PPP3CA: variants seen among roughly 807,000 people sequenced by gnomAD.
PPP3CA encodes the protein protein phosphatase 3 catalytic subunit alpha.
PPP3CA carries 14 observed loss-of-function variants against 66.5 expected under a neutral mutation model. That is an observed-to-expected ratio of 0.21 (90% CI 0.14 to 0.33). The LOEUF is 0.33. PPP3CA is among the 10% of genes least tolerant of loss of function. The pLI is 1.00. For missense variants in PPP3CA, 317 were observed against 639.5 expected (o/e 0.50, Z 5.44); for synonymous variants, 232 against 226.2 (o/e 1.03, Z -0.23).
intron 1 of PPP3CA, among the ~76,000 whole-genome samples, chr4:101,261,910 T>G (rs1727021487): frequency 6.6e-6 from 1 of 152,064 alleles, no homozygotes; most frequent in African/African-American, 2.4e-5. Context: ...ATGATTATTC[T>G]TCCCAGAATT....
At chr4:101,035,789 CTA>C (rs1051386240) in intron 11 of PPP3CA, among the ~76,000 whole-genome samples, 66 of 152,324 alleles carry the variant, frequency 4.3e-4, no homozygotes, top group African/African-American at 1.6e-3. Flanking sequence ...TCAATTCCAA[CTA>C]TCTCTGCTGA....
chr4:101,317,286 A>ACACACACACACACACACACACT, intron 1 of PPP3CA, among the ~76,000 whole-genome samples: 1 of 150,682 alleles, frequency 6.6e-6, no homozygotes, highest in Admixed American at 6.6e-5. Context: ...ACACACACAC[A>ACACACACACACACACACACACT]CTCACACACA....
At position 101,273,379 on chromosome 4, in the gene PPP3CA, C is replaced by T. The variant is rs370040657; in HGVS notation, c.58+73360G>A. On this transcript the variant is annotated intron_variant, in intron 1 of 13. Transcript: ENST00000394854. ...TGCAGCCTGAGTGACAGAGTGATCG[C>T]GCAGTGGCGCAGGCTCTACTCACTG... Among the ~76,000 whole-genome samples the T allele has an allele frequency of 3.4e-4, 51 of 152,094 alleles. No homozygotes were observed. In the East Asian group the frequency reaches 6.8e-3, roughly 20 times the overall value.
intron 2 of PPP3CA, among the ~76,000 whole-genome samples, chr4:101,125,590 T>C (rs1190037026): frequency 6.6e-6 from 1 of 152,238 alleles, no homozygotes; most frequent in Non-Finnish European, 1.5e-5. Context: ...AGAAAAGGGA[T>C]TGGGAAAAAT....
intron 2 of PPP3CA, among the ~76,000 whole-genome samples, chr4:101,170,520 A>G (rs1181793327): frequency 6.6e-6 from 1 of 152,046 alleles, no homozygotes; most frequent in Non-Finnish European, 1.5e-5. Flanking sequence ...ACTGGAAAGG[A>G]GTTAAGGGCT....
intron 1 of PPP3CA, among the ~76,000 whole-genome samples, chr4:101,207,819 C>T (rs1324384469): frequency 2.1e-5 from 3 of 145,088 alleles, no homozygotes; most frequent in Non-Finnish European, 4.4e-5. Context: ...AGCGAGACTC[C>T]GTCTAAACAA....
intron 11 of PPP3CA, among the ~76,000 whole-genome samples, chr4:101,035,620 T>C (rs1235432115): frequency 6.6e-6 from 1 of 152,200 alleles, no homozygotes; most frequent in Non-Finnish European, 1.5e-5. Context: ...GATACACTGT[T>C]ACAAAAGCCC....
rs574061030 is a variant in PPP3CA at position 101,050,211 on chromosome 4, G to A, written c.1157-9645C>T. 3.9e-5 allele frequency among the ~76,000 whole-genome samples: 6 copies of A among 152,162 alleles called. No individual in the cohort carries two copies. In the South Asian group the frequency reaches 1.0e-3, roughly 26 times the overall value. On this transcript the variant is annotated intron_variant, in intron 10 of 13. Coordinates refer to ENST00000394854, the MANE Select transcript of PPP3CA (RefSeq NM_000944.5). Reference sequence around the variant, plus strand: ...GAAAATGTGTTGGTTTGCAACAGACGCATAGTAAAGTAGAGCAGCTGAGGC... The same window carrying A: ...GAAAATGTGTTGGTTTGCAACAGACACATAGTAAAGTAGAGCAGCTGAGGC...
chr4:101,235,299 T>C (rs1311683157), intron 1 of PPP3CA, among the ~76,000 whole-genome samples: 1 of 151,792 alleles, frequency 6.6e-6, no homozygotes, highest in Non-Finnish European at 1.5e-5. Context: ...GCATCTCATT[T>C]GGGATTCAAA....
chr4:101,179,564 C>G (rs2110173756), intron 2 of PPP3CA, among the ~76,000 whole-genome samples: 1 of 152,150 alleles, frequency 6.6e-6, no homozygotes, highest in Non-Finnish European at 1.5e-5. Context: ...CTCTTTGTCC[C>G]CAGCAATCTA....
chr4:101,262,032 A>G (rs1265869529), intron 1 of PPP3CA, among the ~76,000 whole-genome samples: 1 of 152,134 alleles, frequency 6.6e-6, no homozygotes, highest in African/African-American at 2.4e-5. Context: ...ACATTCAATG[A>G]TTTTTCTAAG....
At chr4:101,273,061 A>C (rs1162808388) in intron 1 of PPP3CA, among the ~76,000 whole-genome samples, 1 of 152,200 alleles carries the variant, frequency 6.6e-6, no homozygotes, top group Non-Finnish European at 1.5e-5. Context: ...GATCATCCTG[A>C]GTTCAAAGGA....
chr4:101,298,202 A>T (rs1728255053), intron 1 of PPP3CA, among the ~76,000 whole-genome samples: 1 of 152,066 alleles, frequency 6.6e-6, no homozygotes, highest in South Asian at 2.1e-4. Flanking sequence ...GTACCCTCAG[A>T]TAGACTCAAG....
At chr4:101,169,965 A>G (rs1050671184) in intron 2 of PPP3CA, among the ~76,000 whole-genome samples, 1 of 152,186 alleles carries the variant, frequency 6.6e-6, no homozygotes, top group African/African-American at 2.4e-5. Context: ...GCAGCTAATT[A>G]TCAGGCAAGG....
At position 101,025,068 on chromosome 4, in the gene PPP3CA, A is replaced by AT. The variant is rs1427415755; in HGVS notation, c.*796dup. On this transcript the variant is annotated 3_prime_UTR_variant, in exon 14 of 14. Transcript: ENST00000394854. ...TTCAGCAAGCCACAACCAAGACTTG[A>AT]TTTTATCAACAAAAACCCCTAAATA... 1 of 152,362 alleles carries AT rather than the reference A, an allele frequency of 6.6e-6. No individual in the cohort carries two copies. The highest frequency in any genetic ancestry group is 1.5e-5 in the Non-Finnish European group (1 of 68,010). 9.4% of individuals were successfully genotyped at this position (152,362 alleles called of 1,614,324 possible). A position where few individuals can be genotyped will look rare whatever the true frequency, so the allele number is the denominator to read the frequency against.
intron 1 of PPP3CA, among the ~76,000 whole-genome samples, chr4:101,316,118 C>A (rs570669163): frequency 6.6e-6 from 1 of 151,858 alleles, no homozygotes; most frequent in Non-Finnish European, 1.5e-5. Flanking sequence ...CACAGACTCA[C>A]GTGACTACAA....
chr4:101,208,431 T>C (rs1488272283), intron 1 of PPP3CA, among the ~76,000 whole-genome samples: 1 of 152,196 alleles, frequency 6.6e-6, no homozygotes, highest in African/African-American at 2.4e-5. Flanking sequence ...ATGTCCTTTA[T>C]TCCACAGGAG....
At chr4:101,325,471 T>C (rs967982421) in intron 1 of PPP3CA, among the ~76,000 whole-genome samples, 3 of 152,204 alleles carry the variant, frequency 2.0e-5, no homozygotes, top group Non-Finnish European at 4.4e-5. Flanking sequence ...TTCATTTTTA[T>C]GTAAAAGAGG....
intron 1 of PPP3CA, among the ~76,000 whole-genome samples, chr4:101,320,935 C>G (rs1449438600): frequency 4.6e-5 from 7 of 151,986 alleles, no homozygotes; most frequent in Non-Finnish European, 1.0e-4. Flanking sequence ...GTTGCTCCAG[C>G]ATAAAAAAAT....
Sources: gnomAD v4.1 joint callset for allele counts (sites outside exome capture counted in the v4.1 genomes callset) on GRCh38, gnomAD v4.1.1 for gene constraint, MANE v1.5 for transcripts, NCBI Gene and HGNC (gene_info 2026-07-23, HGNC 2026-07-21) for gene names.